PCDHGA4: variants seen among roughly 807,000 people sequenced by gnomAD.
PCDHGA4 encodes the protein protocadherin gamma subfamily A, 4.
A neutral mutation model predicts 54.6 loss-of-function variants in PCDHGA4; 38 were observed. The observed-to-expected ratio is 0.70, with a 90% CI of 0.54 to 0.91. PCDHGA4 has a LOEUF of 0.91. Among genes scored for constraint, PCDHGA4 ranks in the 40% least tolerant of loss-of-function variants. PCDHGA4 has a pLI of 0.00. For missense variants in PCDHGA4, 1,298 were observed against 1,220.9 expected (o/e 1.06, Z -0.94); for synonymous variants, 511 against 512.9 (o/e 1.00, Z 0.05).
rs1386904017 is a variant in PCDHGA4 at position 141,476,642 on chromosome 5, CG to C, written c.2515-18164del. On this transcript the variant is annotated intron_variant, in intron 1 of 3. Coordinates refer to ENST00000571252, the MANE Select transcript of PCDHGA4 (RefSeq NM_018917.4). The surrounding 1 kb of genome is among the most constrained non-coding windows in gnomAD (Gnocchi z 7.6). ...CTCTTTACAAACCTATGAGCTGAGC[CG>C]AAATGAATACTTTGCGCTTCGCGTG... The C allele has an allele frequency of 2.5e-6, 4 of 1,614,240 alleles. No homozygotes were observed.
intron 1 of PCDHGA4, chr5:141,408,124 G>A: frequency 1.4e-6 from 2 of 1,478,862 alleles, no homozygotes; most frequent in Non-Finnish European, 1.8e-6. Context: ...CCTGTCCTGG[G>A]CCGAATGCTC....
chr5:141,435,026 C>A (rs977017371), intron 1 of PCDHGA4, among the ~76,000 whole-genome samples: 4 of 151,978 alleles, frequency 2.6e-5, no homozygotes, highest in Non-Finnish European at 5.9e-5. Context: ...GCTCTTTTCC[C>A]ACTTTTATTT....
Position 141,410,368 on chromosome 5 carries a change from T to C in PCDHGA4, c.2514+52747T>C, listed in dbSNP as rs751198926. 5.6e-6 allele frequency: 9 copies of C among 1,613,956 alleles called. No homozygotes were observed. The African/African-American group carries it at 1.2e-4, about 22-fold the overall frequency. On this transcript the variant is annotated intron_variant, in intron 1 of 3. Coordinates refer to ENST00000571252, the MANE Select transcript of PCDHGA4 (RefSeq NM_018917.4). Reference sequence around the variant, plus strand: ...GCCTGCGACGCTCTCTCAGCCCTGCTACTTGGGACTGCTTCCATCCTGGTC... The same window carrying C: ...GCCTGCGACGCTCTCTCAGCCCTGCCACTTGGGACTGCTTCCATCCTGGTC...
At position 141,476,172 on chromosome 5, in the gene PCDHGA4, T is replaced by C; in HGVS notation, c.2515-18635T>C. 6.2e-7 allele frequency: 1 copy of C among 1,612,930 alleles called. No individual in the cohort carries two copies. The highest frequency in any genetic ancestry group is 1.1e-5 in the South Asian group (1 of 91,026). On this transcript the variant is annotated intron_variant, in intron 1 of 3. Coordinates refer to ENST00000571252, the MANE Select transcript of PCDHGA4 (RefSeq NM_018917.4). This position sits in a 1 kb window ranked among gnomAD's most constrained non-coding sequence, Gnocchi z 7.6. ...GTAAGCACCGGGAGGGTAGTGGGAG[T>C]TTTGCTTCTGCTTGGTGCCTTGAAC...
At chr5:141,416,530 G>A (rs976560428) in intron 1 of PCDHGA4, 2 of 152,160 alleles carry the variant, frequency 1.3e-5, no homozygotes, top group Non-Finnish European at 2.9e-5. Flanking sequence ...GCTCTTTAAT[G>A]TATAAGGAGG....
rs1376069004 is a variant in PCDHGA4 at position 141,457,869 on chromosome 5, G to T, written c.2515-36938G>T. On this transcript the variant is annotated intron_variant, in intron 1 of 3. Transcript: ENST00000571252. ...AAGTGACATTCTTCACTGACCACAG[G>T]TTAGGAACCCTGTGTGGGGACTGTG... 2.0e-5 allele frequency among the ~76,000 whole-genome samples: 3 copies of T among 152,334 alleles called. No individual in the cohort carries two copies. The East Asian group carries it at 5.8e-4, about 29-fold the overall frequency.
At chr5:141,423,001 G>A in intron 1 of PCDHGA4, 2 of 1,614,230 alleles carry the variant, frequency 1.2e-6, no homozygotes, top group Non-Finnish European at 1.7e-6. Flanking sequence ...GGTGACCAAG[G>A]TGGTTGCGGT....
At chr5:141,506,382 G>T (rs1311307230) in intron 3 of PCDHGA4, among the ~76,000 whole-genome samples, 1 of 151,500 alleles carries the variant, frequency 6.6e-6, no homozygotes, top group East Asian at 1.9e-4. Flanking sequence ...CTGGGAGGTG[G>T]CTGTGGTGAG....
At chr5:141,392,815 T>C (rs1361544072) in intron 1 of PCDHGA4, 8 of 1,586,560 alleles carry the variant, frequency 5.0e-6, no homozygotes, top group East Asian at 2.2e-5. Flanking sequence ...AAAACAACAA[T>C]GGCCGCTCCA....
chr5:141,492,546 G>A (rs2154587552), intron 1 of PCDHGA4, among the ~76,000 whole-genome samples: 1 of 152,336 alleles, frequency 6.6e-6, no homozygotes, highest in East Asian at 1.9e-4. Flanking sequence ...GCTGGGCCGG[G>A]TCGCCTGGGG....
chr5:141,413,981 C>T (rs563161887), intron 1 of PCDHGA4: 52 of 1,613,334 alleles, frequency 3.2e-5, no homozygotes, highest in African/African-American at 5.3e-5. Context: ...CTGACAGTCA[C>T]AGCCACCGAC....
chr5:141,419,660 A>C (rs759082983), intron 1 of PCDHGA4: 1 of 1,612,798 alleles, frequency 6.2e-7, no homozygotes, highest in Admixed American at 1.7e-5. Context: ...CTCGGGGCAC[A>C]ATGCCTGGCT....
intron 1 of PCDHGA4, chr5:141,423,413 C>T (rs757696505): frequency 2.5e-6 from 4 of 1,614,022 alleles, no homozygotes; most frequent in South Asian, 2.2e-5. Flanking sequence ...CTGCAGGCTT[C>T]TGAAGGCGGG....
Position 141,427,760 on chromosome 5 carries a change from T to C in PCDHGA4, c.2515-67047T>C, listed in dbSNP as rs1464459008. On this transcript the variant is annotated intron_variant, in intron 1 of 3. Coordinates refer to ENST00000571252, the MANE Select transcript of PCDHGA4 (RefSeq NM_018917.4). The stretch of plus-strand genomic sequence containing the variant: ...AAGTCTCCTACTCCATCGTTACCAC[T>C]GACTTGGAGCTGCGGGCACTGTCGT... The C allele has an allele frequency of 4.4e-6, 6 of 1,360,822 alleles. No individual in the cohort carries two copies. The Admixed American group carries it at 5.1e-5, about 12-fold the overall frequency. 84.3% of individuals were successfully genotyped at this position (1,360,822 alleles called of 1,614,324 possible).
At chr5:141,407,360 A>G (rs1024336863) in intron 1 of PCDHGA4, among the ~76,000 whole-genome samples, 1 of 152,232 alleles carries the variant, frequency 6.6e-6, no homozygotes, top group Non-Finnish European at 1.5e-5. Flanking sequence ...GGAAAACATA[A>G]CAGATATCCA....
chr5:141,374,116 C>T (rs1328761924), intron 1 of PCDHGA4: 2 of 1,580,576 alleles, frequency 1.3e-6, no homozygotes, highest in Non-Finnish European at 1.7e-6. Flanking sequence ...CGCAGCGCAG[C>T]GAGCAGGTCC....
intron 1 of PCDHGA4, chr5:141,366,917 A>G: frequency 9.1e-7 from 1 of 1,095,104 alleles, no homozygotes; most frequent in South Asian, 1.7e-5. Context: ...ATTTGTTTTC[A>G]AATTCTGTTT....
chr5:141,510,798 A>G, intron 3 of PCDHGA4, 149 bp from the exon 4 acceptor site: 1 of 1,474,326 alleles, frequency 6.8e-7, no homozygotes, highest in South Asian at 1.3e-5. Context: ...GTGAAGAGAG[A>G]CTACCTTGGT....
At chr5:141,494,763 C>T in intron 1 of PCDHGA4, 44 bp from the exon 2 acceptor site, 4 of 1,613,926 alleles carry the variant, frequency 2.5e-6, no homozygotes, top group Admixed American at 1.7e-5. Context: ...GACATTCTAA[C>T]TTCTCACGGG....
Sources: gnomAD v4.1 joint callset for allele counts (sites outside exome capture counted in the v4.1 genomes callset) on GRCh38, gnomAD v4.1.1 for gene constraint, Gnocchi (gnomAD v3.1) non-coding constraint, MANE v1.5 for transcripts, NCBI Gene and HGNC (gene_info 2026-07-23, HGNC 2026-07-21) for gene names.